CLMP: variants seen among roughly 807,000 people sequenced by gnomAD.
CLMP encodes CXADR-like membrane protein.
A neutral mutation model predicts 45.2 loss-of-function variants in CLMP; 27 were observed. The ratio of observed to expected loss-of-function variants is 0.60; its 90% confidence interval spans 0.44 to 0.82. The LOEUF is 0.82. CLMP is among the 40% of genes least tolerant of loss of function. CLMP has a pLI of 0.00. For synonymous variants in CLMP, 167 were observed against 171.4 expected, an observed-to-expected ratio of 0.97 and a Z score of 0.20; for missense variants, 403 against 448.4, an observed-to-expected ratio of 0.90 and a Z score of 0.91.
At chr11:123,157,207 A>G (rs1027772607) in intron 1 of CLMP, among the ~76,000 whole-genome samples, 3 of 152,232 alleles carry the variant, frequency 2.0e-5, no homozygotes, top group Admixed American at 2.0e-4. Flanking sequence ...CTTGAGTGTC[A>G]GAACCAGGAT....
chr11:123,128,514 G>T (rs945169683), intron 1 of CLMP, among the ~76,000 whole-genome samples: 2 of 152,058 alleles, frequency 1.3e-5, no homozygotes, highest in African/African-American at 4.8e-5. Flanking sequence ...ATAAAAAGTA[G>T]CCAGATGTGG....
chr11:123,186,521 C>CA (rs1555088326), intron 1 of CLMP, among the ~76,000 whole-genome samples: 40 of 142,960 alleles, frequency 2.8e-4, no homozygotes, highest in African/African-American at 8.7e-4. Context: ...AATTTGTGAG[C>CA]TTTTTTTTTT....
In CLMP at chr11:123,186,521, C is replaced by CT. The variant is rs113644477; in HGVS notation, c.28+8391dup. On this transcript the variant is annotated intron_variant, in intron 1 of 6. Transcript: ENST00000448775. Reference sequence around the variant, plus strand: ...GGAGAGTTGGGGCACAATTTGTGAGCTTTTTTTTTTTTTTGAGATGGTGTC... The same window carrying CT: ...GGAGAGTTGGGGCACAATTTGTGAGCTTTTTTTTTTTTTTTGAGATGGTGTC... Among the ~76,000 whole-genome samples the CT allele has an allele frequency of 2.3e-3, 327 of 142,876 alleles. 1 individual carries two copies. Among genetic ancestry groups the CT allele is most frequent in the African/African-American group, 3.8e-3 (148 of 39,250 alleles). 93.7% of individuals were successfully genotyped at this position (142,876 alleles called of 152,430 possible).
chr11:123,168,604 A>G (rs1286548773), intron 1 of CLMP, among the ~76,000 whole-genome samples: 2 of 151,960 alleles, frequency 1.3e-5, no homozygotes, highest in African/African-American at 4.8e-5. Flanking sequence ...AATAGTCAGA[A>G]CCCTCCAAAA....
At position 123,074,804 on chromosome 11, in the gene CLMP, C is replaced by T; in HGVS notation, c.719G>A (p.Gly240Asp). 6.2e-7 allele frequency: 1 copy of T among 1,614,144 alleles called. No homozygotes were observed. Among genetic ancestry groups the T allele is most frequent in the Non-Finnish European group, 8.5e-7 (1 of 1,180,020 alleles). The change falls in exon 6 of 7, where the codon GGC (glycine) becomes GAC (aspartate). Residue 240 changes from glycine to aspartate, a missense_variant. Transcript: ENST00000448775. ...AATCAGCAGGGCTCCAGCCACTATGCCTGTCACTGCTCCTGCAACCATGCC... is the reference window on the plus strand; with the variant it reads ...AATCAGCAGGGCTCCAGCCACTATGTCTGTCACTGCTCCTGCAACCATGCC... ...SIGMVAGAVT[G>D]IVAGALLIFL...
chr11:123,108,635 G>A (rs1380686678), intron 1 of CLMP, among the ~76,000 whole-genome samples: 1 of 152,034 alleles, frequency 6.6e-6, no homozygotes, highest in African/African-American at 2.4e-5. Context: ...GAAGAGGAAG[G>A]GAAGTGGGGG....
intron 1 of CLMP, among the ~76,000 whole-genome samples, chr11:123,171,575 C>T (rs1046089245): frequency 2.6e-5 from 4 of 151,758 alleles, no homozygotes; most frequent in African/African-American, 9.7e-5. Flanking sequence ...TTCCGAGTAG[C>T]TGGGATTAAC....
intron 2 of CLMP, among the ~76,000 whole-genome samples, chr11:123,091,252 A>C (rs1865929222): frequency 6.6e-6 from 1 of 152,052 alleles, no homozygotes; most frequent in Non-Finnish European, 1.5e-5. Context: ...CCACAGGCGC[A>C]TGCCACCACG....
At chr11:123,108,117 C>A (rs1387858813) in intron 1 of CLMP, among the ~76,000 whole-genome samples, 1 of 152,068 alleles carries the variant, frequency 6.6e-6, no homozygotes, top group African/African-American at 2.4e-5. Context: ...CCGATCAGCT[C>A]CCCCTAGCCT....
At chr11:123,128,539 A>T (rs1261909934) in intron 1 of CLMP, among the ~76,000 whole-genome samples, 1 of 152,166 alleles carries the variant, frequency 6.6e-6, no homozygotes, top group East Asian at 1.9e-4. Flanking sequence ...ACAAGCCTGT[A>T]GTCTCAGCTA....
At chr11:123,181,584 A>G (rs1233723861) in intron 1 of CLMP, among the ~76,000 whole-genome samples, 7 of 151,988 alleles carry the variant, frequency 4.6e-5, no homozygotes, top group Non-Finnish European at 7.4e-5. Flanking sequence ...TCCTTTGTCA[A>G]TCTGCTCCCC....
chr11:123,108,407 T>TC (rs1354120889), intron 1 of CLMP, among the ~76,000 whole-genome samples: 1 of 152,178 alleles, frequency 6.6e-6, no homozygotes, highest in Non-Finnish European at 1.5e-5. Flanking sequence ...TGCCTAGTTA[T>TC]CTCCTCCCAC....
intron 1 of CLMP, among the ~76,000 whole-genome samples, chr11:123,107,440 A>G (rs1860576512): frequency 6.6e-6 from 1 of 151,910 alleles, no homozygotes; most frequent in Admixed American, 6.6e-5. Flanking sequence ...CGTGTTGGCC[A>G]GGCTGGTCTC....
At chr11:123,137,155 T>TC (rs1348321013) in intron 1 of CLMP, among the ~76,000 whole-genome samples, 4 of 123,468 alleles carry the variant, frequency 3.2e-5, no homozygotes, top group Non-Finnish European at 6.8e-5. Flanking sequence ...TTCTTTTTTT[T>TC]TTTTTTTTTT....
At position 123,092,947 on chromosome 11, in the gene CLMP, G is replaced by A. The variant is rs141630801; in HGVS notation, c.186+4848C>T. Among the ~76,000 whole-genome samples, 384 of 140,738 alleles carry A rather than the reference G, an allele frequency of 2.7e-3. 1 individual carries two copies. Among genetic ancestry groups the A allele is most frequent in the Non-Finnish European group, 4.3e-3 (282 of 66,266 alleles). 92.3% of individuals were successfully genotyped at this position (140,738 alleles called of 152,430 possible). On this transcript the variant is annotated intron_variant, in intron 2 of 6. Coordinates refer to ENST00000448775, the MANE Select transcript of CLMP (RefSeq NM_024769.5). ...TTTTGAGATGTTGTCTCATGCTGTC[G>A]CCCAGGCTGGAGTGCAGCGGTATGA...
Position 123,073,637 on chromosome 11 carries a change from G to C in CLMP, c.959C>G (p.Thr320Ser). The change falls in exon 7 of 7, where the codon ACT (threonine) becomes AGT (serine). Residue 320 changes from threonine (T) to serine (S), a missense_variant. Transcript: ENST00000448775. ...SASRSQRTLSTDAAPQPGLAT... is the reference protein window; with the variant it reads ...SASRSQRTLSSDAAPQPGLAT... ...CAGCCCTGGCTGGGGTGCTGCGTCA[G>C]TTGACAGTGTCCGCTGGCTGCGTGA... 6.2e-7 allele frequency: 1 copy of C among 1,614,264 alleles called. No individual in the cohort carries two copies. Among genetic ancestry groups the C allele is most frequent in the Non-Finnish European group, 8.5e-7 (1 of 1,180,048 alleles).
chr11:123,152,390 G>A (rs1207424908), intron 1 of CLMP, among the ~76,000 whole-genome samples: 1 of 151,970 alleles, frequency 6.6e-6, no homozygotes, highest in Non-Finnish European at 1.5e-5. Flanking sequence ...GGGCATGTTG[G>A]TGGGCACCTG....
chr11:123,114,022 C>T (rs567147990), intron 1 of CLMP, among the ~76,000 whole-genome samples: 1 of 152,256 alleles, frequency 6.6e-6, no homozygotes, highest in African/African-American at 2.4e-5. Context: ...AGATCTCATG[C>T]TAACCTATTT....
chr11:123,097,690 G>T, intron 2 of CLMP, 105 bp downstream of exon 2: 1 of 867,390 alleles, frequency 1.2e-6, no homozygotes, highest in Non-Finnish European at 1.8e-6. Context: ...AGATGAAAAA[G>T]GAACTCCAGC....
Sources: gnomAD v4.1 joint callset for allele counts (sites outside exome capture counted in the v4.1 genomes callset) on GRCh38, gnomAD v4.1.1 for gene constraint, MANE v1.5 for transcripts, NCBI Gene and HGNC (gene_info 2026-07-23, HGNC 2026-07-21) for gene names.